The following RYR3 variants were observed in gnomAD, a reference collection of about 807,000 sequenced individuals.
RYR3 encodes the protein brain ryanodine receptor-calcium release channel.
Under a neutral mutation model 584.3 loss-of-function variants are expected in RYR3, and 207 were observed. The observed-to-expected ratio is 0.35, with a 90% confidence interval of 0.32 to 0.40. The LOEUF is 0.40. Among genes scored for constraint, RYR3 ranks in the 10% least tolerant of loss-of-function variants. The pLI, the probability that RYR3 is intolerant of heterozygous loss-of-function variation, is 1.00. For synonymous variants in RYR3, 2,416 were observed against 2,248.5 expected (o/e 1.07, Z -2.11); for missense variants, 5,616 against 6,089.2 (o/e 0.92, Z 2.59).
intron 16 of RYR3, among the ~76,000 whole-genome samples, chr15:33,600,387 A>C (rs929941875): frequency 6.6e-6 from 1 of 152,068 alleles, no homozygotes. Flanking sequence ...TTATTTGTCG[A>C]CTGCTGTTTG....
At chr15:33,486,307 C>T (rs768821601) in intron 2 of RYR3, among the ~76,000 whole-genome samples, 3 of 152,176 alleles carry the variant, frequency 2.0e-5, no homozygotes, top group Non-Finnish European at 2.9e-5. Context: ...ACTTCCTTGC[C>T]CATTCCATTT....
intron 38 of RYR3, among the ~76,000 whole-genome samples, chr15:33,686,457 C>T (rs955494388): frequency 6.6e-6 from 1 of 152,110 alleles, no homozygotes; most frequent in Non-Finnish European, 1.5e-5. Context: ...CAAAAAAAGT[C>T]CAGGACCAGA....
chr15:33,816,410 C>A (rs906603368), intron 74 of RYR3, among the ~76,000 whole-genome samples: 2 of 152,166 alleles, frequency 1.3e-5, no homozygotes, highest in African/African-American at 4.8e-5. Flanking sequence ...GAAAAGAAGC[C>A]ACATTTTGGT....
Position 33,363,782 on chromosome 15 carries a change from G to A in RYR3, c.51+52686G>A, listed in dbSNP as rs1246548629. Among the ~76,000 whole-genome samples, 3 of 152,206 alleles carry A rather than the reference G, an allele frequency of 2.0e-5. No homozygotes were observed. The East Asian group carries it at 5.8e-4, about 29-fold the overall frequency. On this transcript the variant is annotated intron_variant, in intron 1 of 103. Transcript: ENST00000634891. ...CTGTGTCTCTAGATTGTGCTGTTCA[G>A]TGTGATAGCCACCAGCTGCATGTGG... is the stretch of plus-strand genomic sequence containing the variant.
intron 1 of RYR3, among the ~76,000 whole-genome samples, chr15:33,405,003 G>C (rs1015836306): frequency 2.6e-5 from 4 of 152,048 alleles, no homozygotes; most frequent in African/African-American, 9.7e-5. Flanking sequence ...TGGTAACCTT[G>C]GAAAGCCATG....
rs1196640070 is a variant in RYR3 at position 33,390,099 on chromosome 15, C to A, written c.51+79003C>A. ...TTGTGGTAAATGAAATTTATGTCGC[C>A]GGATGAATTGGCTTCACTGCTGGAA... On this transcript the variant is annotated intron_variant, in intron 1 of 103. Transcript: ENST00000634891. The surrounding 1 kb of genome is among the most constrained non-coding windows in gnomAD (Gnocchi z 4.2). Among the ~76,000 whole-genome samples the A allele has an allele frequency of 6.6e-6, 1 of 152,140 alleles. No individual in the cohort carries two copies. Among genetic ancestry groups the A allele is most frequent in the East Asian group, 1.9e-4 (1 of 5,204 alleles).
intron 98 of RYR3, 101 bp from the exon 99 acceptor site, chr15:33,857,679 C>A: frequency 1.4e-6 from 2 of 1,464,950 alleles, no homozygotes; most frequent in Non-Finnish European, 1.9e-6. Flanking sequence ...CTCTCCTTGC[C>A]CGTCCTCACT....
At position 33,820,800 on chromosome 15, in the gene RYR3, A is replaced by G; in HGVS notation, c.10803A>G (p.Glu3601=). 2.5e-6 allele frequency: 4 copies of G among 1,598,846 alleles called. No homozygotes were observed. Among genetic ancestry groups the G allele is most frequent in the Non-Finnish European group, 3.4e-6 (4 of 1,172,288 alleles). The part of the protein sequence containing the change: ...GEDEEEDEDK[E]KTFEEKEMEK... ...ATGAAGAAGAAGATGAAGACAAGGA[A>G]AAAACATTCGAAGTAAGTTCTCATG... is the stretch of plus-strand genomic sequence containing the variant. The change falls in exon 78 of 104, where the codon GAA becomes GAG. Residue 3601 remains glutamate, a synonymous_variant. Transcript: ENST00000634891.
intron 38 of RYR3, among the ~76,000 whole-genome samples, chr15:33,689,975 A>G (rs1031739940): frequency 1.2e-4 from 18 of 152,252 alleles, no homozygotes; most frequent in Admixed American, 6.5e-5. Context: ...AAGCTAACTT[A>G]GAGGTGGCAC....
intron 38 of RYR3, among the ~76,000 whole-genome samples, chr15:33,682,911 G>T (rs1341234870): frequency 1.3e-5 from 2 of 152,126 alleles, no homozygotes; most frequent in Non-Finnish European, 2.9e-5. Context: ...AGTAAGACGG[G>T]CCATACCTTG....
chr15:33,850,829 T>TGGG (rs2079054184), intron 94 of RYR3: 1 of 152,184 alleles, frequency 6.6e-6, no homozygotes, highest in Non-Finnish European at 1.5e-5. Context: ...CACAGCTATC[T>TGGG]ACATTTTTGA....
At chr15:33,586,745 T>C (rs1174838424) in intron 16 of RYR3, among the ~76,000 whole-genome samples, 2 of 152,346 alleles carry the variant, frequency 1.3e-5, no homozygotes, top group East Asian at 1.9e-4. Flanking sequence ...AGATCTCTTA[T>C]AGTTCTAACA....
intron 27 of RYR3, among the ~76,000 whole-genome samples, chr15:33,637,119 C>T (rs572364287): frequency 6.6e-5 from 10 of 152,314 alleles, no homozygotes; most frequent in South Asian, 2.1e-4. Flanking sequence ...GTCAGGGGCA[C>T]GCTTCCAGCT....
intron 67 of RYR3, among the ~76,000 whole-genome samples, chr15:33,794,135 AT>A (rs2075385251): frequency 8.2e-6 from 1 of 122,474 alleles, no homozygotes; most frequent in African/African-American, 2.8e-5. Context: ...ATATTTATAT[AT>A]AATATACATA....
chr15:33,732,409 T>C (rs1228636911), intron 48 of RYR3, among the ~76,000 whole-genome samples: 3 of 144,488 alleles, frequency 2.1e-5, no homozygotes, highest in Non-Finnish European at 4.5e-5. Context: ...AAAAGCGACC[T>C]ACCTCTAGGC....
chr15:33,817,369 G>A (rs1254671490), intron 75 of RYR3, among the ~76,000 whole-genome samples: 2 of 152,038 alleles, frequency 1.3e-5, no homozygotes, highest in African/African-American at 4.8e-5. Flanking sequence ...TCTATATTTG[G>A]CCTTTCAGAA....
At chr15:33,728,427 T>C (rs1466037804) in intron 46 of RYR3, among the ~76,000 whole-genome samples, 1 of 152,258 alleles carries the variant, frequency 6.6e-6, no homozygotes, top group Non-Finnish European at 1.5e-5. Flanking sequence ...TAATTTTTAA[T>C]AATGAGCATG....
chr15:33,332,391 A>G (rs1036379120), intron 1 of RYR3, among the ~76,000 whole-genome samples: 1 of 152,104 alleles, frequency 6.6e-6, no homozygotes, highest in East Asian at 1.9e-4. Context: ...GGGAAATGTT[A>G]ACACTTATCT....
chr15:33,543,488 T>C, intron 7 of RYR3, 134 bp from the exon 8 acceptor site: 1 of 690,290 alleles, frequency 1.4e-6, no homozygotes, highest in Non-Finnish European at 2.6e-6. Context: ...TCATGGAATA[T>C]GTAGTTATCA....
Sources: gnomAD v4.1 joint callset for allele counts (sites outside exome capture counted in the v4.1 genomes callset) on GRCh38, gnomAD v4.1.1 for gene constraint, Gnocchi (gnomAD v3.1) non-coding constraint, MANE v1.5 for transcripts, NCBI Gene and HGNC (gene_info 2026-07-23, HGNC 2026-07-21) for gene names.